The following GABRG1 variants were observed in gnomAD, a reference collection of about 807,000 sequenced individuals.
GABRG1 encodes gamma-aminobutyric acid type A receptor subunit gamma1.
In GABRG1, 49 loss-of-function variants were observed where a neutral mutation model predicts 49.8. The ratio of observed to expected loss-of-function variants is 0.98; its 90% CI spans 0.78 to 1.25. The LOEUF (loss-of-function observed/expected upper bound fraction) is 1.25, where lower values mean the gene tolerates loss of function less well. GABRG1 is among the 50% of genes most tolerant of loss of function. GABRG1 has a pLI of 0.00. For synonymous variants in GABRG1, 232 were observed against 185.1 expected, an observed-to-expected ratio of 1.25 and a Z score of -2.06; for missense variants, 552 against 552.3, an observed-to-expected ratio of 1.00 and a Z score of 0.01.
At chr4:46,117,750 A>C (rs1365975994) in intron 1 of GABRG1, among the ~76,000 whole-genome samples, 1 of 143,716 alleles carries the variant, frequency 7.0e-6, no homozygotes, top group Non-Finnish European at 1.5e-5. Context: ...ACACATATAC[A>C]TACATGTATA....
At chr4:46,112,980 C>A (rs1720769782) in intron 1 of GABRG1, among the ~76,000 whole-genome samples, 1 of 150,906 alleles carries the variant, frequency 6.6e-6, no homozygotes, top group Non-Finnish European at 1.5e-5. Context: ...CTACAAGGCC[C>A]CCACATTATG....
At chr4:46,062,700 T>C (rs1401978653) in intron 5 of GABRG1, among the ~76,000 whole-genome samples, 5 of 152,180 alleles carry the variant, frequency 3.3e-5, no homozygotes, top group Admixed American at 2.0e-4. Flanking sequence ...ATGAAGGGTA[T>C]TCAATTAGGA....
intron 4 of GABRG1, 98 bp from the exon 5 acceptor site, chr4:46,064,621 A>T: frequency 1.9e-6 from 1 of 536,008 alleles, no homozygotes; most frequent in South Asian, 3.4e-5. Context: ...TCATATGATA[A>T]TAGATTGTGA....
intron 7 of GABRG1, among the ~76,000 whole-genome samples, chr4:46,053,597 G>T (rs1009754577): frequency 7.2e-5 from 11 of 152,002 alleles, no homozygotes; most frequent in Non-Finnish European, 1.2e-4. Flanking sequence ...AAATCACATT[G>T]TTCCCATCGT....
intron 8 of GABRG1, among the ~76,000 whole-genome samples, chr4:46,045,510 G>A (rs1049545299): frequency 4.6e-5 from 7 of 151,648 alleles, no homozygotes; most frequent in Non-Finnish European, 1.0e-4. Flanking sequence ...ATTAAGTAAT[G>A]AGGAAATGAA....
intron 1 of GABRG1, among the ~76,000 whole-genome samples, chr4:46,097,904 C>G (rs1720234923): frequency 6.6e-6 from 1 of 151,612 alleles, no homozygotes; most frequent in Non-Finnish European, 1.5e-5. Context: ...AGAACCCAGC[C>G]ATCTTTTTCC....
intron 3 of GABRG1, among the ~76,000 whole-genome samples, chr4:46,076,139 G>A (rs568974808): frequency 1.7e-3 from 259 of 151,596 alleles, no homozygotes; most frequent in Middle Eastern, 0.01. Flanking sequence ...AATTGTCTAG[G>A]ACTCTTCAAT....
intron 3 of GABRG1, among the ~76,000 whole-genome samples, chr4:46,070,558 T>TGTATTA (rs1243159974): frequency 6.6e-6 from 1 of 151,944 alleles, no homozygotes; most frequent in Non-Finnish European, 1.5e-5. Context: ...CTTGTGAGCT[T>TGTATTA]GTATTAGTAA....
intron 3 of GABRG1, among the ~76,000 whole-genome samples, chr4:46,073,990 A>C (rs1719235148): frequency 1.3e-5 from 2 of 152,128 alleles, no homozygotes; most frequent in Admixed American, 6.6e-5. Flanking sequence ...CTCAAACTAT[A>C]CTTCCCCATT....
In GABRG1 at chr4:46,084,014, C is replaced by T. The variant is rs1342568831; in HGVS notation, c.293G>A (p.Ser98Asn). ...ATTAATTGGATCAACTGGTCCAATG[C>T]TGTTTACATAAACATCAGTTTCAAT... The part of the protein sequence containing the change: ...TVIETDVYVN[S>N]IGPVDPINME... Residue 98 changes from serine (S) to asparagine (N), a missense_variant, in exon 3 of 9, where the codon AGC (serine) becomes AAC (asparagine). Physicochemically the swap from Ser to Asn is conservative, Grantham distance 46. Transcript: ENST00000295452. The T allele has an allele frequency of 6.3e-7, 1 of 1,582,520 alleles. No individual in the cohort carries two copies. Among genetic ancestry groups the T allele is most frequent in the East Asian group, 2.3e-5 (1 of 43,904 alleles).
chr4:46,092,407 A>C (rs1720021194), intron 2 of GABRG1, among the ~76,000 whole-genome samples: 1 of 152,040 alleles, frequency 6.6e-6, no homozygotes, highest in Non-Finnish European at 1.5e-5. Context: ...AAATCTAATA[A>C]AGTGCATATT....
chr4:46,105,013 T>C (rs552686049), intron 1 of GABRG1, among the ~76,000 whole-genome samples: 2 of 151,596 alleles, frequency 1.3e-5, no homozygotes, highest in East Asian at 3.9e-4. Flanking sequence ...AATTCAGAAC[T>C]TCCTCTTGAA....
At chr4:46,059,724 C>A (rs1375103183) in intron 5 of GABRG1, among the ~76,000 whole-genome samples, 1 of 151,984 alleles carries the variant, frequency 6.6e-6, no homozygotes, top group Non-Finnish European at 1.5e-5. Context: ...CTAGCATATT[C>A]TCTTATCAGC....
At chr4:46,059,232 C>G (rs1468747048) in intron 5 of GABRG1, among the ~76,000 whole-genome samples, 2 of 152,090 alleles carry the variant, frequency 1.3e-5, no homozygotes, top group African/African-American at 4.8e-5. Context: ...CAACATTGCT[C>G]TAGTAACATT....
At position 46,056,150 on chromosome 4, in the gene GABRG1, TTAAAAAAAAAAAAAAA is replaced by T. The variant is rs1389124432; in HGVS notation, c.916+2051_916+2066del. On this transcript the variant is annotated intron_variant, in intron 7 of 8. Coordinates refer to ENST00000295452, the MANE Select transcript of GABRG1 (RefSeq NM_173536.4). ...AAAAAAAAAAAAATAAATAAATAAATTAAAAAAAAAAAAAAAAAAAAAAAAAAAAATAGTCTCCCAT... is the reference window on the plus strand; with the variant it reads ...AAAAAAAAAAAAATAAATAAATAAATAAAAAAAAAAAAAATAGTCTCCCAT... 3.5e-4 allele frequency among the ~76,000 whole-genome samples: 16 copies of T among 46,068 alleles called. 3 individuals carry two copies. Among genetic ancestry groups the T allele is most frequent in the African/African-American group, 7.6e-4 (12 of 15,886 alleles). The allele number at this position is 46,068 out of a possible 152,430, so 30.2% of individuals were successfully genotyped here.
At chr4:46,042,705 T>C (rs1218301219) in intron 8 of GABRG1, among the ~76,000 whole-genome samples, 2 of 152,102 alleles carry the variant, frequency 1.3e-5, no homozygotes, top group South Asian at 2.1e-4. Context: ...GAAACATAGA[T>C]TCCAAGTCAC....
chr4:46,121,898 A>T (rs1468769603), intron 1 of GABRG1, among the ~76,000 whole-genome samples: 2 of 152,108 alleles, frequency 1.3e-5, no homozygotes, highest in Non-Finnish European at 2.9e-5. Flanking sequence ...ACATATGGTT[A>T]AAAAGTCCAT....
intron 7 of GABRG1, 84 bp downstream of exon 7, chr4:46,058,133 A>G (rs1356896273): frequency 7.6e-7 from 1 of 1,313,326 alleles, no homozygotes; most frequent in African/African-American, 1.5e-5. Context: ...GAATATATCT[A>G]ATAAATGTGA....
At chr4:46,095,058 C>G (rs983274176) in intron 2 of GABRG1, among the ~76,000 whole-genome samples, 4 of 151,692 alleles carry the variant, frequency 2.6e-5, no homozygotes, top group African/African-American at 7.2e-5. Context: ...ATTTCTCACG[C>G]ACACACAAAT....
Sources: allele counts gnomAD v4.1 joint callset (sites outside exome capture counted in the v4.1 genomes callset), GRCh38; gene constraint gnomAD v4.1.1; transcripts MANE v1.5; gene names NCBI Gene and HGNC (gene_info 2026-07-23, HGNC 2026-07-21).